Variants in PTBP3 observed in about 807,000 individuals in gnomAD.
The protein encoded by PTBP3 is polypyrimidine tract-binding protein 3.
PTBP3 carries 20 observed loss-of-function variants against 58.7 expected under a neutral mutation model. The ratio of observed to expected loss-of-function variants is 0.34; its 90% CI spans 0.24 to 0.50. The LOEUF is 0.50. Ranked by LOEUF, PTBP3 falls within the 20% of genes least tolerant of loss-of-function variation. The pLI is 0.98. For synonymous variants in PTBP3, 185 were observed against 219.8 expected (o/e 0.84, Z 1.40); for missense variants, 509 against 637.2 (o/e 0.80, Z 2.17).
At chr9:112,357,920 CACA>C in the PTBP3 span, among the ~76,000 whole-genome samples, 3 of 152,062 alleles carry the variant, frequency 2.0e-5, no homozygotes, top group East Asian at 5.8e-4. Flanking sequence ...GTGATGGTTG[CACA>C]ACAATGTAAA....
At chr9:112,335,599 CTTTTTTT>C (rs113253430), upstream of PTBP3, among the ~76,000 whole-genome samples, 3 of 102,722 alleles carry the variant, frequency 2.9e-5, no homozygotes, top group East Asian at 3.3e-4. Context: ...TACCATTTTT[CTTTTTTT>C]TTTTTTTTTT....
chr9:112,339,358 T>C, the PTBP3 span, among the ~76,000 whole-genome samples: 1 of 148,364 alleles, frequency 6.7e-6, no homozygotes, highest in Non-Finnish European at 1.5e-5. Context: ...TGAATGATAA[T>C]CACTACAGTG....
intron 2 of PTBP3, among the ~76,000 whole-genome samples, chr9:112,295,977 C>T (rs948469858): frequency 2.0e-5 from 3 of 152,168 alleles, no homozygotes; most frequent in East Asian, 1.9e-4. Flanking sequence ...GCTTTGAATG[C>T]GGCCCAAAAC....
chr9:112,357,214 G>C, the PTBP3 span, among the ~76,000 whole-genome samples: 1 of 152,034 alleles, frequency 6.6e-6, no homozygotes, highest in Non-Finnish European at 1.5e-5. Context: ...ATACTAAGAC[G>C]TGGAAATTCT....
Position 112,222,107 on chromosome 9 carries a change from ATTCT to A in PTBP3, c.*1740_*1743del, listed in dbSNP as rs1834828547. On this transcript the variant is annotated 3_prime_UTR_variant, in exon 14 of 14. Transcript: ENST00000374257. Reference sequence around the variant, plus strand: ...CGCACACCACCATGCCCAGCAAGATATTCTTTATTCTTTTAAAAGTTGAGATGAG... The same window carrying A: ...CGCACACCACCATGCCCAGCAAGATATTATTCTTTTAAAAGTTGAGATGAG... 1.0e-6 allele frequency: 1 copy of A among 985,290 alleles called. No homozygotes were observed. The highest frequency in any genetic ancestry group is 1.2e-6 in the Non-Finnish European group (1 of 829,496). The allele number at this position is 985,290 out of a possible 1,614,324, so 61.0% of individuals were successfully genotyped here.
intron 8 of PTBP3, among the ~76,000 whole-genome samples, chr9:112,234,092 CAA>C (rs34380560): frequency 0.56 from 84,406 of 151,796 alleles, 25,160 homozygotes; most frequent in African/African-American, 0.79. Context: ...GTAGGCTTAC[CAA>C]ACTCTGTCAT....
chr9:112,250,087 C>G (rs908082159), intron 7 of PTBP3, among the ~76,000 whole-genome samples: 1 of 152,004 alleles, frequency 6.6e-6, no homozygotes, highest in African/African-American at 2.4e-5. Context: ...TTTGGACAAT[C>G]ATTTGGTTGT....
the PTBP3 span, among the ~76,000 whole-genome samples, chr9:112,367,669 T>C: frequency 5.3e-5 from 8 of 152,224 alleles, no homozygotes; most frequent in African/African-American, 1.9e-4. Context: ...GATAATCTTA[T>C]GATGGTTCCC....
chr9:112,323,536 T>C (rs1015515649), intron 1 of PTBP3, among the ~76,000 whole-genome samples: 13 of 152,066 alleles, frequency 8.5e-5, no homozygotes, highest in Non-Finnish European at 1.6e-4. Context: ...TAATGGAAAA[T>C]GTAGATAACA....
rs553908667 is a variant in PTBP3 at position 112,323,423 on chromosome 9, C to T, written c.-52+10047G>A. Among the ~76,000 whole-genome samples, 9 of 152,254 alleles carry T rather than the reference C, an allele frequency of 5.9e-5. No individual in the cohort carries two copies. In the South Asian group the frequency reaches 1.9e-3, roughly 32 times the overall value. On this transcript the variant is annotated intron_variant, in intron 1 of 13. Coordinates refer to ENST00000374257, the MANE Select transcript of PTBP3 (RefSeq NM_001163788.4). ...GCCATTCAACAACAATAAAGCTTTT[C>T]TTTTCTCAAAAAAGAAAAGTGCCAT...
chr9:112,261,751 A>G (rs1186739742), intron 5 of PTBP3, among the ~76,000 whole-genome samples: 1 of 152,228 alleles, frequency 6.6e-6, no homozygotes, highest in Non-Finnish European at 1.5e-5. Flanking sequence ...TTAAAAATGT[A>G]ACAACCATTC....
the PTBP3 span, among the ~76,000 whole-genome samples, chr9:112,343,606 A>G: frequency 6.6e-6 from 1 of 152,004 alleles, no homozygotes; most frequent in African/African-American, 2.4e-5. Context: ...CCTGGCCAAC[A>G]TGGTGAAACC....
At chr9:112,233,571 T>C (rs1179510935) in intron 8 of PTBP3, among the ~76,000 whole-genome samples, 2 of 151,802 alleles carry the variant, frequency 1.3e-5, no homozygotes, top group Non-Finnish European at 2.9e-5. Flanking sequence ...ACCACCAAGA[T>C]GGTAAAATTT....
rs34218823 is a variant in PTBP3 at position 112,251,411 on chromosome 9, CTAT to C, written c.628-311_628-309del. Among the ~76,000 whole-genome samples the C allele has an allele frequency of 5.0e-3, 755 of 152,200 alleles. 4 individuals are homozygous for C. Among genetic ancestry groups the C allele is most frequent in the African/African-American group, 0.017 (717 of 41,520 alleles). On this transcript the variant is annotated intron_variant, in intron 6 of 13. Coordinates refer to ENST00000374257, the MANE Select transcript of PTBP3 (RefSeq NM_001163788.4). ...CTACTGTCTATCATAGAAATGTTCACTATTATTATGATTATTTTGCCTATATCA... is the reference window on the plus strand; with the variant it reads ...CTACTGTCTATCATAGAAATGTTCACTATTATGATTATTTTGCCTATATCA...
the PTBP3 span, among the ~76,000 whole-genome samples, chr9:112,350,435 A>G: frequency 6.6e-6 from 1 of 152,256 alleles, no homozygotes; most frequent in African/African-American, 2.4e-5. Flanking sequence ...GTGATAGTAC[A>G]GAGCATTCTT....
chr9:112,316,988 T>G (rs192629437), intron 1 of PTBP3, among the ~76,000 whole-genome samples: 47 of 99,606 alleles, frequency 4.7e-4, no homozygotes, highest in African/African-American at 1.5e-3. Flanking sequence ...AAAAAAACAG[T>G]AAAGAAAAAG....
At chr9:112,343,081 G>A in the PTBP3 span, among the ~76,000 whole-genome samples, 4 of 152,148 alleles carry the variant, frequency 2.6e-5, no homozygotes, top group Admixed American at 2.0e-4. Context: ...GGGCTGGATC[G>A]GGGAAAATGC....
chr9:112,252,626 G>A lies in PTBP3; in HGVS notation c.627+52C>T, dbSNP rs912328451. The A allele has an allele frequency of 2.3e-6, 3 of 1,279,348 alleles. No individual in the cohort carries two copies. In the African/African-American group the frequency reaches 4.4e-5, roughly 19 times the overall value. The allele number at this position is 1,279,348 out of a possible 1,614,324, so 79.2% of individuals were successfully genotyped here. A position where few individuals can be genotyped will look rare whatever the true frequency, so the allele number is the denominator to read the frequency against. ...CATGGTAAAGTGGGGCACAAGAGAA[G>A]GTATCACTGGAGTGATTAACAATTG... On this transcript the variant is annotated intron_variant, in intron 6 of 13. Transcript: ENST00000374257.
chr9:112,220,043 A>G lies in PTBP3; in HGVS notation c.*3808T>C. ...GTCTGGCAGTTTTGTTCTCATTAAC[A>G]GATCAAGACAAAGGAAAGGCTAAGA... On this transcript the variant is annotated 3_prime_UTR_variant, in exon 14 of 14. Coordinates refer to ENST00000374257, the MANE Select transcript of PTBP3 (RefSeq NM_001163788.4). 2.7e-6 allele frequency: 3 copies of G among 1,108,750 alleles called. No homozygotes were observed. The highest frequency in any genetic ancestry group is 3.4e-6 in the Non-Finnish European group (3 of 880,002). The allele number at this position is 1,108,750 out of a possible 1,614,324, so 68.7% of individuals were successfully genotyped here.
Sources: gnomAD v4.1 joint callset for allele counts (sites outside exome capture counted in the v4.1 genomes callset) on GRCh38, gnomAD v4.1.1 for gene constraint, MANE v1.5 for transcripts, NCBI Gene and HGNC (gene_info 2026-07-23, HGNC 2026-07-21) for gene names.